Variants in ABCC1 observed in about 807,000 individuals in gnomAD.
ABCC1 encodes the protein multidrug resistance-associated protein 1.
ABCC1 carries 83 observed loss-of-function variants against 172.9 expected under a neutral mutation model. The ratio of observed to expected loss-of-function variants is 0.48; its 90% confidence interval spans 0.40 to 0.58. ABCC1 has a LOEUF of 0.58. ABCC1 is among the 20% of genes least tolerant of loss of function. ABCC1 has a pLI of 0.00. For missense variants in ABCC1, 1,817 were observed against 2,002.7 expected, an observed-to-expected ratio of 0.91 and a Z score of 1.77; for synonymous variants, 937 against 825.2, an observed-to-expected ratio of 1.14 and a Z score of -2.32.
intron 1 of ABCC1, among the ~76,000 whole-genome samples, chr16:15,959,606 G>C (rs1337208882): frequency 1.3e-5 from 2 of 152,170 alleles, no homozygotes; most frequent in Non-Finnish European, 2.9e-5. Flanking sequence ...GATTACAGGC[G>C]TGAGCCACCA....
At chr16:16,047,448 C>T (rs572686255) in intron 9 of ABCC1, among the ~76,000 whole-genome samples, 18 of 152,204 alleles carry the variant, frequency 1.2e-4, no homozygotes, top group East Asian at 3.9e-4. Flanking sequence ...TGCATCACCA[C>T]GCCTGCTAAT....
At position 16,089,928 on chromosome 16, in the gene ABCC1, C is replaced by T. The variant is rs77495018; in HGVS notation, c.2461-477C>T. The stretch of plus-strand genomic sequence containing the variant: ...GCATACAAACTGTTTTGCTGTGGCA[C>T]CATCCTTTTATTCCTTTACACACTT... On this transcript the variant is annotated intron_variant, in intron 18 of 30. Coordinates refer to ENST00000399410, the MANE Select transcript of ABCC1 (RefSeq NM_004996.4). 5.1e-3 allele frequency among the ~76,000 whole-genome samples: 767 copies of T among 151,520 alleles called. 10 individuals are homozygous for T. Among genetic ancestry groups the T allele is most frequent in the African/African-American group, 0.018 (727 of 41,298 alleles).
At chr16:16,055,213 G>T (rs1156564553) in intron 11 of ABCC1, among the ~76,000 whole-genome samples, 1 of 152,074 alleles carries the variant, frequency 6.6e-6, no homozygotes, top group Non-Finnish European at 1.5e-5. Flanking sequence ...CTGGATGCCA[G>T]AGTGAGATGA....
intron 2 of ABCC1, among the ~76,000 whole-genome samples, chr16:16,009,262 A>AT (rs1428302011): frequency 1.3e-5 from 2 of 152,136 alleles, no homozygotes; most frequent in South Asian, 2.1e-4. Flanking sequence ...GTATTCACTG[A>AT]TTTTTTAATC....
intron 1 of ABCC1, among the ~76,000 whole-genome samples, chr16:15,950,640 G>A (rs1308995475): frequency 6.6e-6 from 1 of 152,176 alleles, no homozygotes; most frequent in Non-Finnish European, 1.5e-5. Context: ...CCAGTCTTTT[G>A]GGCTTCAGCT....
chr16:16,027,064 T>C (rs2048401537), intron 5 of ABCC1, among the ~76,000 whole-genome samples: 1 of 152,166 alleles, frequency 6.6e-6, no homozygotes, highest in South Asian at 2.1e-4. Flanking sequence ...AAGCTGGATA[T>C]GGGCTGCATT....
At chr16:16,005,918 C>T (rs958150049) in intron 1 of ABCC1, among the ~76,000 whole-genome samples, 13 of 151,170 alleles carry the variant, frequency 8.6e-5, no homozygotes, top group African/African-American at 2.2e-4. Flanking sequence ...CGCTTGAACC[C>T]GAGAAGCAGA....
chr16:15,994,183 G>A (rs2151644233), intron 1 of ABCC1, among the ~76,000 whole-genome samples: 1 of 152,242 alleles, frequency 6.6e-6, no homozygotes, highest in South Asian at 2.1e-4. Flanking sequence ...TGGTGCCAGT[G>A]TACTCAAGCC....
chr16:16,133,980 A>G (rs886414100), intron 27 of ABCC1, among the ~76,000 whole-genome samples: 1 of 152,188 alleles, frequency 6.6e-6, no homozygotes, highest in Non-Finnish European at 1.5e-5. Flanking sequence ...CTCACCATCA[A>G]AGGTGTGAAA....
intron 9 of ABCC1, among the ~76,000 whole-genome samples, chr16:16,046,376 A>T (rs1174841065): frequency 1.3e-5 from 2 of 148,786 alleles, no homozygotes; most frequent in Non-Finnish European, 3.0e-5. Context: ...ACCAGGTCTC[A>T]CTCTCTCCCC....
intron 12 of ABCC1, among the ~76,000 whole-genome samples, chr16:16,058,762 C>T (rs1375941341): frequency 6.6e-6 from 1 of 152,168 alleles, no homozygotes; most frequent in Non-Finnish European, 1.5e-5. Flanking sequence ...GCGATTCTTC[C>T]ACCTCAGCCT....
chr16:16,093,812 C>G (rs1437372062), intron 19 of ABCC1, among the ~76,000 whole-genome samples: 1 of 152,026 alleles, frequency 6.6e-6, no homozygotes, highest in African/African-American at 2.4e-5. Context: ...TTTTAGAACA[C>G]CCAGGCTGAA....
intron 2 of ABCC1, 59 bp downstream of exon 2, chr16:16,008,051 G>A: frequency 6.8e-7 from 1 of 1,462,190 alleles, no homozygotes; most frequent in Non-Finnish European, 9.4e-7. Flanking sequence ...ACGGGGAGTG[G>A]TGGTTGGTGA....
At chr16:16,126,433 G>C (rs982510959) in intron 26 of ABCC1, among the ~76,000 whole-genome samples, 3 of 152,238 alleles carry the variant, frequency 2.0e-5, no homozygotes, top group Non-Finnish European at 4.4e-5. Context: ...ACCCAGGCTG[G>C]AGTGCAGTGG....
At chr16:15,986,860 A>C (rs1046390567) in intron 1 of ABCC1, among the ~76,000 whole-genome samples, 1 of 152,186 alleles carries the variant, frequency 6.6e-6, no homozygotes, top group South Asian at 2.1e-4. Context: ...TGACACAATC[A>C]ATCATTTGGT....
intron 1 of ABCC1, among the ~76,000 whole-genome samples, chr16:15,995,324 TACTC>T (rs1231707471): frequency 2.6e-5 from 4 of 152,198 alleles, no homozygotes; most frequent in Non-Finnish European, 5.9e-5. Flanking sequence ...TCTTCCCTCT[TACTC>T]TTTCTATAGA....
intron 19 of ABCC1, among the ~76,000 whole-genome samples, chr16:16,101,880 T>A (rs1374266873): frequency 1.3e-5 from 2 of 152,232 alleles, no homozygotes; most frequent in African/African-American, 4.8e-5. Flanking sequence ...GATATCCAGC[T>A]GCTGTGTCCC....
intron 26 of ABCC1, among the ~76,000 whole-genome samples, chr16:16,127,678 A>T (rs1191456579): frequency 6.6e-6 from 1 of 152,118 alleles, no homozygotes; most frequent in Non-Finnish European, 1.5e-5. Flanking sequence ...CGGCCTCCTG[A>T]GGAGAGATGC....
chr16:15,976,085 G>A (rs2046484992), intron 1 of ABCC1, among the ~76,000 whole-genome samples: 1 of 151,898 alleles, frequency 6.6e-6, no homozygotes, highest in Non-Finnish European at 1.5e-5. Flanking sequence ...GGCCAAAATG[G>A]TGAAATCCCG....
Sources: gnomAD v4.1 joint callset for allele counts (sites outside exome capture counted in the v4.1 genomes callset) on GRCh38, gnomAD v4.1.1 for gene constraint, MANE v1.5 for transcripts, NCBI Gene and HGNC (gene_info 2026-07-23, HGNC 2026-07-21) for gene names.